Variants in KRT84 observed in about 807,000 individuals in gnomAD.
KRT84 encodes the protein keratin 84.
In KRT84, 38 loss-of-function variants were observed where a neutral mutation model predicts 49.0. That is an observed-to-expected ratio of 0.78 (90% CI 0.60 to 1.02). The LOEUF is 1.02. Among genes scored for constraint, KRT84 ranks in the 50% least tolerant of loss-of-function variants. The pLI is 0.00. For synonymous variants in KRT84, 334 were observed against 312.8 expected, an observed-to-expected ratio of 1.07 and a Z score of -0.72; for missense variants, 860 against 788.6, an observed-to-expected ratio of 1.09 and a Z score of -1.08.
rs1415654791 is a variant in KRT84 at position 52,379,878 on chromosome 12, A to G, written c.1454T>C (p.Ile485Thr). 3.7e-6 allele frequency: 6 copies of G among 1,610,710 alleles called. No individual in the cohort carries two copies. The highest frequency in any genetic ancestry group is 5.1e-6 in the Non-Finnish European group (6 of 1,176,992). ...RLCEGVGPVN[I>T]SVSSSRGGLV... The stretch of plus-strand genomic sequence containing the variant: ...AGAGGAAAAAACAAGTTTCTTACAT[A>G]TGTTTACTGGTCCAACACCTTCACA... The change falls in exon 8 of 9, where the codon ATA (isoleucine) becomes ACA (threonine). Residue 485 changes from isoleucine (I) to threonine (T), a missense_variant and splice_region_variant. Ile to Thr is a moderately conservative substitution (Grantham distance 89). Coordinates refer to ENST00000257951, the MANE Select transcript of KRT84 (RefSeq NM_033045.4).
In KRT84 at chr12:52,378,227, G is replaced by C; in HGVS notation, c.1610C>G (p.Ala537Gly). 6.4e-7 allele frequency: 1 copy of C among 1,566,802 alleles called. No individual in the cohort carries two copies. Among genetic ancestry groups the C allele is most frequent in the Non-Finnish European group, 8.6e-7 (1 of 1,157,320 alleles). Reference sequence around the variant, plus strand: ...GTCCCCAGTGGCCGGGGCGACCCGGGCTCCACCCAGGCTGGGGCCACAGGA... The same window carrying C: ...GTCCCCAGTGGCCGGGGCGACCCGGCCTCCACCCAGGCTGGGGCCACAGGA... ...LASCGPSLGG[A>G]RVAPATGDLL... Residue 537 changes from alanine (A) to glycine (G), a missense_variant, in exon 9 of 9, where the codon GCC becomes GGC. Coordinates refer to ENST00000257951, the MANE Select transcript of KRT84 (RefSeq NM_033045.4).
chr12:52,385,839 A>G (rs1592149372), upstream of KRT84, among the ~76,000 whole-genome samples: 2 of 152,278 alleles, frequency 1.3e-5, no homozygotes, highest in Non-Finnish European at 2.9e-5. Context: ...TGAGGGCTGT[A>G]ACAGCAAACC....
In KRT84 at chr12:52,380,379, C is replaced by T; in HGVS notation, c.1408G>A (p.Glu470Lys). 2 of 1,614,076 alleles carry T rather than the reference C, an allele frequency of 1.2e-6. No homozygotes were observed. Among genetic ancestry groups the T allele is most frequent in the Non-Finnish European group, 1.7e-6 (2 of 1,180,016 alleles). ...AGTACTCACCGGCTCTCCTCGCCCT[C>T]CAGCAGGCGCCTGTAGGTGGCGATC... is the stretch of plus-strand genomic sequence containing the variant. ...IEIATYRRLL[E>K]GEESRLCEGV... The change falls in exon 7 of 9, where the codon GAG (glutamate) becomes AAG (lysine). Residue 470 changes from glutamate (E) to lysine (K), a missense_variant. Physicochemically the swap from Glu to Lys is moderately conservative, Grantham distance 56 (BLOSUM62 1). Coordinates refer to ENST00000257951, the MANE Select transcript of KRT84 (RefSeq NM_033045.4).
In KRT84 at chr12:52,382,522, GCATCCA is replaced by G. The variant is rs1592147796; in HGVS notation, c.821_826del (p.Val274_Asp275del). 1 of 1,612,864 alleles carries G rather than the reference GCATCCA, an allele frequency of 6.2e-7. No individual in the cohort carries two copies. The highest frequency in any genetic ancestry group is 1.3e-5 in the African/African-American group (1 of 75,034). On this transcript the variant is annotated inframe_deletion, in exon 4 of 9. Transcript: ENST00000257951. ...GAGATCAGACTTGTTCATGAAAGCTGCATCCACATCCTGTATAAAACAGAGAAGGAT... is the reference window on the plus strand; with the variant it reads ...GAGATCAGACTTGTTCATGAAAGCTGCATCCTGTATAAAACAGAGAAGGAT...
chr12:52,385,466 A>C lies in KRT84; in HGVS notation c.120T>G (p.Ser40Arg). ...TGCCAAGGCCCCGGAATCCAGGCCCACTCCAACAGGAGACAGAGTTGGCCC... is the reference window on the plus strand; with the variant it reads ...TGCCAAGGCCCCGGAATCCAGGCCCCCTCCAACAGGAGACAGAGTTGGCCC... ...RFRANSVSCW[S>R]GPGFRGLGSF... The change falls in exon 1 of 9, where the codon AGT becomes AGG. Residue 40 changes from serine (S) to arginine (R), a missense_variant. Physicochemically the swap from Ser to Arg is moderately radical, Grantham distance 110 (BLOSUM62 -1). Transcript: ENST00000257951. The C allele has an allele frequency of 6.2e-7, 1 of 1,614,130 alleles. No individual in the cohort carries two copies. The highest frequency in any genetic ancestry group is 2.2e-5 in the East Asian group (1 of 44,882).
At chr12:52,381,238 G>A (rs774394131) in intron 5 of KRT84, 33 bp from the exon 6 acceptor site, 3 of 1,613,352 alleles carry the variant, frequency 1.9e-6, no homozygotes, top group Admixed American at 3.3e-5. Context: ...TGAGGGTTCG[G>A]AGGTCAGGTC....
chr12:52,383,699 T>C lies in KRT84; in HGVS notation c.646A>G (p.Ser216Gly). ...TGCCTCCGCAGGTTGGTGATGTAGCTCTCGAAGAGTGGCTCCAGATTGCTC... is the reference window on the plus strand; with the variant it reads ...TGCCTCCGCAGGTTGGTGATGTAGCCCTCGAAGAGTGGCTCCAGATTGCTC... ...IRSNLEPLFE[S>G]YITNLRRQLE... Residue 216 changes from serine to glycine, a missense_variant, in exon 2 of 9, where the codon AGC becomes GGC. Ser to Gly is a moderately conservative substitution (Grantham distance 56, BLOSUM62 0). Transcript: ENST00000257951. 1 of 1,614,162 alleles carries C rather than the reference T, an allele frequency of 6.2e-7. No individual in the cohort carries two copies. The highest frequency in any genetic ancestry group is 2.2e-5 in the East Asian group (1 of 44,882).
In KRT84 at chr12:52,385,108, T is replaced by C; in HGVS notation, c.478A>G (p.Arg160Gly). 1.2e-6 allele frequency: 2 copies of C among 1,602,082 alleles called. No homozygotes were observed. Among genetic ancestry groups the C allele is most frequent in the Non-Finnish European group, 1.7e-6 (2 of 1,174,284 alleles). Residue 160 changes from arginine to glycine, a missense_variant, in exon 1 of 9, where the codon AGG becomes GGG. Transcript: ENST00000257951. ...LNLEIDPNAQRVKKDEKEQIK... is the reference protein window; with the variant it reads ...LNLEIDPNAQGVKKDEKEQIK... ...TGCTCCTTCTCATCCTTCTTCACCC[T>C]CTGGGCATTGGGGTCAATCTCCAGG...
At position 52,384,904 on chromosome 12, in the gene KRT84, C is replaced by G. The variant is rs890292939; in HGVS notation, c.546+136G>C. 3 of 923,674 alleles carry G rather than the reference C, an allele frequency of 3.2e-6. No individual in the cohort carries two copies. The African/African-American group carries it at 5.0e-5, about 15-fold the overall frequency. The allele number at this position is 923,674 out of a possible 1,614,324, so 57.2% of individuals were successfully genotyped here. On this transcript the variant is annotated intron_variant, in intron 1 of 8. Transcript: ENST00000257951. Reference sequence around the variant, plus strand: ...CAACCCATAAAGCATACCACAATGCCTGAGGTAGGCACTTGAAAGATCTGA... The same window carrying G: ...CAACCCATAAAGCATACCACAATGCGTGAGGTAGGCACTTGAAAGATCTGA...
chr12:52,378,479 G>T (rs1939426269), intron 8 of KRT84, 99 bp from the exon 9 acceptor site: 2 of 908,022 alleles, frequency 2.2e-6, no homozygotes, highest in South Asian at 4.0e-5. Context: ...GGGAGGGAGT[G>T]GGGTCAGGGT....
chr12:52,384,415 G>T (rs1249155616), intron 1 of KRT84, among the ~76,000 whole-genome samples: 1 of 152,108 alleles, frequency 6.6e-6, no homozygotes, highest in African/African-American at 2.4e-5. Flanking sequence ...GTTCTTTTGG[G>T]TTATCCACAT....
chr12:52,385,537 A>G lies in KRT84; in HGVS notation c.49T>C (p.Phe17Leu), dbSNP rs200888733. The change falls in exon 1 of 9, where the codon TTC (phenylalanine) becomes CTC (leucine). Residue 17 changes from phenylalanine (F) to leucine (L), a missense_variant. By Grantham distance (22) the Phe-to-Leu change is conservative (BLOSUM62 0). Coordinates refer to ENST00000257951, the MANE Select transcript of KRT84 (RefSeq NM_033045.4). ...GGTGTCATTGCTGAACAAGAGCTGA[A>G]GTTGCCCACCCGGTGACCAGAGCTG... is the stretch of plus-strand genomic sequence containing the variant. The part of the protein sequence containing the change: ...RVSSGHRVGN[F>L]SSCSAMTPQN... The G allele has an allele frequency of 6.2e-7, 1 of 1,614,146 alleles. No homozygotes were observed. Among genetic ancestry groups the G allele is most frequent in the Non-Finnish European group, 8.5e-7 (1 of 1,180,034 alleles).
rs780857496 is a variant in KRT84 at position 52,385,512 on chromosome 12, G to A, written c.74C>T (p.Pro25Leu). The A allele has an allele frequency of 2.5e-6, 4 of 1,614,206 alleles. No homozygotes were observed. The highest frequency in any genetic ancestry group is 1.3e-5 in the African/African-American group (1 of 75,060). Residue 25 changes from proline to leucine, a missense_variant, in exon 1 of 9, where the codon CCA becomes CTA. Pro to Leu is a moderately conservative substitution (Grantham distance 98, BLOSUM62 -3). Coordinates refer to ENST00000257951, the MANE Select transcript of KRT84 (RefSeq NM_033045.4). The stretch of plus-strand genomic sequence containing the variant: ...GGCCCGGAAGCGATTCAGGTTCTGT[G>A]GTGTCATTGCTGAACAAGAGCTGAA... ...GNFSSCSAMT[P>L]QNLNRFRANS...
Position 52,378,160 on chromosome 12 carries a change from G to T in KRT84, c.1677C>A (p.Ser559Arg). The change falls in exon 9 of 9, where the codon AGC becomes AGA. Residue 559 changes from serine (S) to arginine (R), a missense_variant. Ser to Arg is a moderately radical substitution (Grantham distance 110). Transcript: ENST00000257951. ...TGTRSGSMLI[S>R]EACVPSVPCP... ...AGGGGACGCTGGGGACACAGGCCTC[G>T]CTGATGAGCATGGAGCCACTCCTTG... 6.3e-7 allele frequency: 1 copy of T among 1,575,900 alleles called. No homozygotes were observed. The highest frequency in any genetic ancestry group is 1.9e-4 in the Middle Eastern group (1 of 5,234).
rs547683515 is a variant in KRT84, at chr12:52,383,224, A to AT, written c.756-160dup. The stretch of plus-strand genomic sequence containing the variant: ...ACATCATCCCCTCTGTCTCATCTTT[A>AT]TGACCTTTCATAAGCCAGTGCCTCT... On this transcript the variant is annotated intron_variant, in intron 2 of 8. Coordinates refer to ENST00000257951, the MANE Select transcript of KRT84 (RefSeq NM_033045.4). Among the ~76,000 whole-genome samples the AT allele has an allele frequency of 1.8e-3, 270 of 152,228 alleles. 1 individual carries two copies. The highest frequency in any genetic ancestry group is 6.2e-3 in the African/African-American group (257 of 41,538).
chr12:52,378,138 G>C lies in KRT84; in HGVS notation c.1699C>G (p.Pro567Ala). 1 of 1,563,682 alleles carries C rather than the reference G, an allele frequency of 6.4e-7. No homozygotes were observed. Among genetic ancestry groups the C allele is most frequent in the East Asian group, 2.4e-5 (1 of 41,846 alleles). Residue 567 changes from proline (P) to alanine (A), a missense_variant, in exon 9 of 9, where the codon CCC (proline) becomes GCC (alanine). Coordinates refer to ENST00000257951, the MANE Select transcript of KRT84 (RefSeq NM_033045.4). ...CCCCCCTGGGTGGGCAGGGGGCAGG[G>C]GACGCTGGGGACACAGGCCTCGCTG... ...LISEACVPSV[P>A]CPLPTQGGFS... is the part of the protein sequence containing the mutation.
chr12:52,377,868 G>C lies in KRT84; in HGVS notation c.*166C>G. The C allele has an allele frequency of 2.2e-6, 1 of 458,016 alleles. No homozygotes were observed. The highest frequency in any genetic ancestry group is 3.7e-6 in the Non-Finnish European group (1 of 269,730). 28.4% of individuals were successfully genotyped at this position (458,016 alleles called of 1,614,324 possible). A position where few individuals can be genotyped will look rare whatever the true frequency, so the allele number is the denominator to read the frequency against. ...TCTACATGGCAGAAAAATCCTCCAAGAGGACATGGGGCCAGGCAGAATAAT... is the reference window on the plus strand; with the variant it reads ...TCTACATGGCAGAAAAATCCTCCAACAGGACATGGGGCCAGGCAGAATAAT... On this transcript the variant is annotated 3_prime_UTR_variant, in exon 9 of 9. Transcript: ENST00000257951.
chr12:52,386,912 G>C (rs1273207007), upstream of KRT84, among the ~76,000 whole-genome samples: 2 of 152,168 alleles, frequency 1.3e-5, no homozygotes, highest in Non-Finnish European at 2.9e-5. Flanking sequence ...ATTCCACTTG[G>C]AAGGGGATGT....
rs201855800 is a variant in KRT84, at chr12:52,378,248, C to A, written c.1589G>T (p.Cys530Phe). ...VCATSGVLASCGPSLGGARVA... is the reference protein window; with the variant it reads ...VCATSGVLASFGPSLGGARVA... ...CCGGGCTCCACCCAGGCTGGGGCCACAGGAAGCCAGGACCCCACTGGTGGC... is the reference window on the plus strand; with the variant it reads ...CCGGGCTCCACCCAGGCTGGGGCCAAAGGAAGCCAGGACCCCACTGGTGGC... The change falls in exon 9 of 9, where the codon TGT becomes TTT. Residue 530 changes from cysteine (C) to phenylalanine (F), a missense_variant. By Grantham distance (205) the Cys-to-Phe change is radical. Transcript: ENST00000257951. 6.4e-7 allele frequency: 1 copy of A among 1,559,828 alleles called. No homozygotes were observed.
Sources: allele counts gnomAD v4.1 joint callset (sites outside exome capture counted in the v4.1 genomes callset), GRCh38; gene constraint gnomAD v4.1.1; transcripts MANE v1.5; gene names NCBI Gene and HGNC (gene_info 2026-07-23, HGNC 2026-07-21).